Variants in XKR6 observed in about 807,000 individuals in gnomAD.
XKR6 encodes XK-related protein 6.
Under a neutral mutation model 56.7 loss-of-function variants are expected in XKR6, and 22 were observed. The observed-to-expected ratio is 0.39, with a 90% confidence interval of 0.28 to 0.55. The LOEUF (loss-of-function observed/expected upper bound fraction) is 0.55. Among genes scored for constraint, XKR6 ranks in the 20% least tolerant of loss-of-function variants. XKR6 has a pLI of 0.66. For missense variants in XKR6, 852 were observed against 889.0 expected (o/e 0.96, Z 0.53); for synonymous variants, 524 against 387.8 (o/e 1.35, Z -4.13).
intron 1 of XKR6, among the ~76,000 whole-genome samples, chr8:10,964,806 C>T (rs753298908): frequency 6.6e-6 from 1 of 152,204 alleles, no homozygotes; most frequent in Non-Finnish European, 1.5e-5. Flanking sequence ...TCACTGCACA[C>T]GGAATGAGTC....
chr8:11,094,249 A>G (rs1201145665), intron 1 of XKR6, among the ~76,000 whole-genome samples: 2 of 152,006 alleles, frequency 1.3e-5, no homozygotes, highest in Non-Finnish European at 2.9e-5. Flanking sequence ...ATATATATGT[A>G]TGTATCTCGG....
At chr8:11,140,664 G>C (rs982803023) in intron 1 of XKR6, among the ~76,000 whole-genome samples, 2 of 152,116 alleles carry the variant, frequency 1.3e-5, no homozygotes, top group African/African-American at 4.8e-5. Context: ...TTGGGAGGCT[G>C]AGGTGGGTGG....
intron 1 of XKR6, among the ~76,000 whole-genome samples, chr8:11,199,939 C>G (rs1378079250): frequency 6.6e-6 from 1 of 151,394 alleles, no homozygotes; most frequent in East Asian, 1.9e-4. Flanking sequence ...TTTTACCTGT[C>G]GCTAAGAAAA....
chr8:11,124,120 T>A (rs1799629634), intron 1 of XKR6: 1 of 415,938 alleles, frequency 2.4e-6, no homozygotes, highest in Non-Finnish European at 4.9e-6. Context: ...TTACTTTATC[T>A]TCCCTACTAG....
At chr8:10,912,226 G>C (rs940465991) in intron 2 of XKR6, among the ~76,000 whole-genome samples, 1 of 145,186 alleles carries the variant, frequency 6.9e-6, no homozygotes, top group Non-Finnish European at 1.5e-5. Flanking sequence ...TATACAGAGA[G>C]AGAGAGGGAG....
At chr8:10,899,878 T>C (rs879885228) in intron 2 of XKR6, among the ~76,000 whole-genome samples, 20 of 152,206 alleles carry the variant, frequency 1.3e-4, no homozygotes, top group Non-Finnish European at 2.1e-4. Context: ...TACTTGATAT[T>C]TGCAAGTAAA....
chr8:11,163,103 C>A (rs1293386061), intron 1 of XKR6, among the ~76,000 whole-genome samples: 1 of 152,092 alleles, frequency 6.6e-6, no homozygotes, highest in Non-Finnish European at 1.5e-5. Context: ...CCACAGTAAA[C>A]CTAAAATTAT....
At chr8:11,065,055 A>G (rs545016560) in intron 1 of XKR6, among the ~76,000 whole-genome samples, 2 of 152,226 alleles carry the variant, frequency 1.3e-5, no homozygotes, top group African/African-American at 2.4e-5. Flanking sequence ...CATAAAATTT[A>G]AAAAAATCAT....
chr8:11,115,141 T>C (rs561818204), intron 1 of XKR6, among the ~76,000 whole-genome samples: 1 of 152,282 alleles, frequency 6.6e-6, no homozygotes, highest in African/African-American at 2.4e-5. Context: ...CTGCAGGATT[T>C]GAAACAAAAT....
chr8:10,993,252 C>A (rs922059315), intron 1 of XKR6, among the ~76,000 whole-genome samples: 2 of 152,234 alleles, frequency 1.3e-5, no homozygotes, highest in African/African-American at 4.8e-5. Flanking sequence ...ACATTGAATG[C>A]CTCTTACCAA....
chr8:11,117,150 A>G (rs1373845491), intron 1 of XKR6, among the ~76,000 whole-genome samples: 1 of 152,240 alleles, frequency 6.6e-6, no homozygotes, highest in Admixed American at 6.5e-5. Flanking sequence ...TTTCATGAAA[A>G]ACTGTTTCCT....
At chr8:10,946,726 A>G (rs1801556603) in intron 1 of XKR6, among the ~76,000 whole-genome samples, 1 of 151,984 alleles carries the variant, frequency 6.6e-6, no homozygotes. Flanking sequence ...GGCACAGGGG[A>G]CCCAGCATGG....
intron 1 of XKR6, among the ~76,000 whole-genome samples, chr8:11,196,160 A>T (rs1208324526): frequency 6.6e-6 from 1 of 152,118 alleles, no homozygotes; most frequent in African/African-American, 2.4e-5. Flanking sequence ...TACCATTCTT[A>T]AACCACAAAA....
intron 1 of XKR6, among the ~76,000 whole-genome samples, chr8:11,035,793 G>GGGA (rs777155985): frequency 2.0e-4 from 30 of 151,870 alleles, no homozygotes; most frequent in Non-Finnish European, 4.0e-4. Context: ...ACTGAGGAGA[G>GGGA]GGAGGTAAGT....
At chr8:11,095,123 G>A (rs1798226000) in intron 1 of XKR6, among the ~76,000 whole-genome samples, 1 of 152,208 alleles carries the variant, frequency 6.6e-6, no homozygotes, top group African/African-American at 2.4e-5. Context: ...TGCAGCTCCA[G>A]GCTAGAGAAA....
chr8:11,172,718 T>G (rs944067261), intron 1 of XKR6, among the ~76,000 whole-genome samples: 2 of 152,154 alleles, frequency 1.3e-5, no homozygotes, highest in Non-Finnish European at 2.9e-5. Context: ...ATAAATCAAT[T>G]TTAAATTCCA....
intron 1 of XKR6, among the ~76,000 whole-genome samples, chr8:10,938,203 G>A (rs1057266222): frequency 3.3e-5 from 5 of 152,186 alleles, no homozygotes; most frequent in African/African-American, 4.8e-5. Context: ...CTCGGAAAGG[G>A]AACTCCCTGA....
chr8:11,004,396 C>A lies in XKR6; in HGVS notation c.765-79566G>T, dbSNP rs760670253. Among the ~76,000 whole-genome samples, 142 of 152,230 alleles carry A rather than the reference C, an allele frequency of 9.3e-4. 1 individual carries two copies. The highest frequency in any genetic ancestry group is 5.2e-3 in the Admixed American group (80 of 15,294). On this transcript the variant is annotated intron_variant, in intron 1 of 2. Transcript: ENST00000416569. ...CTGAGGCAGAAGAATCACTTGAACC[C>A]AGGAGGCGGAGGTTGCAGTGAGCCG...
chr8:10,941,296 C>CG (rs1801379561), intron 1 of XKR6, among the ~76,000 whole-genome samples: 1 of 152,154 alleles, frequency 6.6e-6, no homozygotes, highest in Non-Finnish European at 1.5e-5. Context: ...ACAGAGGGGA[C>CG]GGTGTCACAA....
Sources: gnomAD v4.1 joint callset for allele counts (sites outside exome capture counted in the v4.1 genomes callset) on GRCh38, gnomAD v4.1.1 for gene constraint, MANE v1.5 for transcripts, NCBI Gene and HGNC (gene_info 2026-07-23, HGNC 2026-07-21) for gene names.